The following CPAMD8 variants were observed in gnomAD, a reference collection of about 807,000 sequenced individuals.
CPAMD8 encodes the protein C3 and PZP-like alpha-2-macroglobulin domain-containing protein 8.
In CPAMD8, 146 loss-of-function variants were observed where a neutral mutation model predicts 224.7. That is an observed-to-expected ratio of 0.65 (90% CI 0.57 to 0.75). The LOEUF (loss-of-function observed/expected upper bound fraction) is 0.75, where lower values mean the gene tolerates loss of function less well. Among genes scored for constraint, CPAMD8 ranks in the 30% least tolerant of loss-of-function variants. The pLI, the probability that CPAMD8 is intolerant of heterozygous loss-of-function variation, is 0.00. For missense variants in CPAMD8, 2,301 were observed against 2,537.5 expected (o/e 0.91, Z 2.00); for synonymous variants, 966 against 1,044.6 (o/e 0.92, Z 1.45).
chr19:16,906,296 CCTCCCTCT>C (rs1276219968), intron 30 of CPAMD8, among the ~76,000 whole-genome samples: 12 of 149,484 alleles, frequency 8.0e-5, no homozygotes, highest in African/African-American at 3.0e-4. Flanking sequence ...TCCCTCCCTC[CCTCCCTCT>C]CTCTCTTCTC....
intron 7 of CPAMD8, 75 bp from the exon 8 acceptor site, chr19:17,004,461 A>G: frequency 3.2e-6 from 3 of 923,444 alleles, no homozygotes; most frequent in Non-Finnish European, 5.2e-6. Context: ...GGGAGCCAGG[A>G]CCCTGCTCCT....
intron 3 of CPAMD8, among the ~76,000 whole-genome samples, chr19:17,019,658 C>A (rs2056901132): frequency 6.6e-6 from 1 of 151,802 alleles, no homozygotes; most frequent in Non-Finnish European, 1.5e-5. Context: ...CAGTCTCAAG[C>A]GATCCTCCTA....
intron 13 of CPAMD8, among the ~76,000 whole-genome samples, chr19:16,987,749 C>G (rs1001921496): frequency 1.3e-5 from 2 of 152,144 alleles, no homozygotes; most frequent in Admixed American, 6.6e-5. Context: ...CTCCCGGGCT[C>G]AAGTGATCCT....
chr19:17,008,154 G>C (rs923213363), intron 7 of CPAMD8, among the ~76,000 whole-genome samples: 8 of 152,242 alleles, frequency 5.3e-5, no homozygotes, highest in African/African-American at 1.9e-4. Context: ...GGGTGACAGA[G>C]AGAGACTCTG....
chr19:17,026,458 G>T, intron 1 of CPAMD8, 93 bp downstream of exon 1: 3 of 1,298,226 alleles, frequency 2.3e-6, no homozygotes, highest in South Asian at 3.4e-5. Context: ...AGGCTGTGTG[G>T]CCTTGGGCAG....
chr19:17,025,560 T>C (rs2057058325), intron 1 of CPAMD8, among the ~76,000 whole-genome samples: 1 of 152,166 alleles, frequency 6.6e-6, no homozygotes, highest in East Asian at 1.9e-4. Flanking sequence ...CGAAAGCTGT[T>C]TACCAGCATT....
At chr19:16,903,155 A>G (rs2052330421) in intron 34 of CPAMD8, among the ~76,000 whole-genome samples, 1 of 152,018 alleles carries the variant, frequency 6.6e-6, no homozygotes, top group Non-Finnish European at 1.5e-5. Context: ...CTCCCATTTT[A>G]GAGATCAGAA....
intron 35 of CPAMD8, among the ~76,000 whole-genome samples, chr19:16,902,276 G>C (rs934541373): frequency 1.3e-5 from 2 of 152,088 alleles, no homozygotes; most frequent in African/African-American, 2.4e-5. Flanking sequence ...CAGCACTTTG[G>C]GGGGCTGAGG....
intron 16 of CPAMD8, 127 bp downstream of exon 16, chr19:16,975,875 G>A (rs544418787): frequency 4.6e-5 from 47 of 1,021,944 alleles, no homozygotes; most frequent in South Asian, 7.0e-5. Flanking sequence ...AAATGAACCC[G>A]ACGGAGAAAG....
At chr19:16,986,251 A>G (rs2055716760) in intron 13 of CPAMD8, among the ~76,000 whole-genome samples, 1 of 152,074 alleles carries the variant, frequency 6.6e-6, no homozygotes, top group African/African-American at 2.4e-5. Flanking sequence ...GCATGAACCC[A>G]TCTTCCCTCC....
intron 29 of CPAMD8, among the ~76,000 whole-genome samples, chr19:16,908,422 C>A (rs919216041): frequency 1.6e-4 from 24 of 151,976 alleles, no homozygotes; most frequent in Admixed American, 8.5e-4. Flanking sequence ...CAGCCCAGGC[C>A]CTCCCCAGCC....
chr19:16,988,714 A>G (rs1164220491), intron 13 of CPAMD8, among the ~76,000 whole-genome samples: 1 of 152,114 alleles, frequency 6.6e-6, no homozygotes, highest in African/African-American at 2.4e-5. Flanking sequence ...TCCCTGTGTC[A>G]GCTGTAGTAT....
intron 7 of CPAMD8, among the ~76,000 whole-genome samples, chr19:17,007,109 G>A (rs760321927): frequency 2.6e-4 from 40 of 152,128 alleles, no homozygotes; most frequent in Non-Finnish European, 4.1e-4. Flanking sequence ...CGAGGCGGGC[G>A]GATCACCTGA....
chr19:16,968,818 G>A (rs371631789), intron 18 of CPAMD8, among the ~76,000 whole-genome samples: 2 of 151,866 alleles, frequency 1.3e-5, no homozygotes, highest in South Asian at 2.1e-4. Context: ...TTTTGTATTT[G>A]TGTAGAGACA....
chr19:16,898,135 T>A lies in CPAMD8; in HGVS notation c.4849-141A>T. The A allele has an allele frequency of 1.6e-6, 1 of 609,380 alleles. No individual in the cohort carries two copies. Among genetic ancestry groups the A allele is most frequent in the Middle Eastern group, 4.3e-4 (1 of 2,302 alleles). The allele number at this position is 609,380 out of a possible 1,614,324, so 37.7% of individuals were successfully genotyped here. On this transcript the variant is annotated intron_variant, in intron 37 of 41. Coordinates refer to ENST00000443236, the MANE Select transcript of CPAMD8 (RefSeq NM_015692.5). This position sits in a 1 kb window ranked among gnomAD's most constrained non-coding sequence, Gnocchi z 4.2. ...ACGTGATCCCATTTTCTTTTTTTCT[T>A]TTACTTTTCTTTTTTTTTTTTTTTC...
intron 10 of CPAMD8, 181 bp downstream of exon 10, chr19:17,000,233 C>T (rs1002922477): frequency 2.9e-5 from 14 of 483,588 alleles, no homozygotes; most frequent in East Asian, 9.5e-5. Context: ...GCGAGAGGAT[C>T]GCTTGAGCCC....
At chr19:16,921,882 T>A (rs920283869) in intron 27 of CPAMD8, 23 bp downstream of exon 27, 1 of 1,512,070 alleles carries the variant, frequency 6.6e-7, no homozygotes, top group South Asian at 1.2e-5. Context: ...TCAGAGGCAA[T>A]GCCCAGGGCG....
intron 17 of CPAMD8, 112 bp downstream of exon 17, chr19:16,974,985 A>G: frequency 7.2e-7 from 1 of 1,398,154 alleles, no homozygotes. Context: ...GAAAAAAAGA[A>G]AGAAAAGCTT....
At position 17,017,664 on chromosome 19, in the gene CPAMD8, G is replaced by A. The variant is rs78799840; in HGVS notation, c.267+2667C>T. The stretch of plus-strand genomic sequence containing the variant: ...AACCAAAAATGTCTCCAAACTTTAC[G>A]AAATGTGCCCTGTAGGGCAAAAGCC... On this transcript the variant is annotated intron_variant, in intron 3 of 41. Transcript: ENST00000443236. Among the ~76,000 whole-genome samples the A allele has an allele frequency of 4.0e-3, 604 of 152,304 alleles. 2 individuals carry two copies. The highest frequency in any genetic ancestry group is 0.014 in the African/African-American group (562 of 41,562).
Sources: allele counts gnomAD v4.1 joint callset (sites outside exome capture counted in the v4.1 genomes callset), GRCh38; gene constraint gnomAD v4.1.1; non-coding constraint Gnocchi (gnomAD v3.1); transcripts MANE v1.5; gene names NCBI Gene and HGNC (gene_info 2026-07-23, HGNC 2026-07-21).